The following SLC30A9 variants were observed in gnomAD, a reference collection of about 807,000 sequenced individuals.
SLC30A9 encodes proton-coupled zinc antiporter SLC30A9, mitochondrial.
A neutral mutation model predicts 87.5 loss-of-function variants in SLC30A9; 58 were observed. The ratio of observed to expected loss-of-function variants is 0.66; its 90% CI spans 0.54 to 0.82. SLC30A9 has a LOEUF of 0.82. Ranked by LOEUF, SLC30A9 falls within the 40% of genes least tolerant of loss-of-function variation. The pLI is 0.00. For missense variants in SLC30A9, 557 were observed against 679.1 expected (o/e 0.82, Z 2.00); for synonymous variants, 234 against 233.0 (o/e 1.00, Z -0.04).
chr4:42,038,417 TA>T (rs1406291867), intron 7 of SLC30A9, among the ~76,000 whole-genome samples: 1 of 152,196 alleles, frequency 6.6e-6, no homozygotes, highest in Admixed American at 6.5e-5. Flanking sequence ...ATTGTTCCCA[TA>T]ATAATTTCAT....
chr4:42,067,034 C>A, intron 13 of SLC30A9, 51 bp from the exon 14 acceptor site: 2 of 1,044,740 alleles, frequency 1.9e-6, no homozygotes, highest in Non-Finnish European at 3.0e-6. Flanking sequence ...CTGATAGTAT[C>A]AAGTTAAGAT....
chr4:42,039,126 T>G, intron 8 of SLC30A9, 73 bp downstream of exon 8: 3 of 1,092,470 alleles, frequency 2.7e-6, no homozygotes, highest in Non-Finnish European at 4.2e-6. Context: ...AATATGTAAA[T>G]TTATTACATG....
chr4:42,072,677 G>T (rs923908316), intron 15 of SLC30A9, among the ~76,000 whole-genome samples: 5 of 152,032 alleles, frequency 3.3e-5, no homozygotes, highest in Non-Finnish European at 4.4e-5. Context: ...TATAGTCTTG[G>T]ATAATATTCA....
At chr4:41,991,864 A>T (rs1352477272) in intron 1 of SLC30A9, among the ~76,000 whole-genome samples, 3 of 152,232 alleles carry the variant, frequency 2.0e-5, no homozygotes, top group Non-Finnish European at 4.4e-5. Flanking sequence ...TGCTGTGGAT[A>T]TAAATTAGAA....
At chr4:41,993,307 G>A (rs185498266) in intron 1 of SLC30A9, among the ~76,000 whole-genome samples, 2 of 152,078 alleles carry the variant, frequency 1.3e-5, no homozygotes, top group East Asian at 3.9e-4. Flanking sequence ...AACCCAGTGA[G>A]TATTTTACAC....
chr4:42,070,559 G>GT lies in SLC30A9; in HGVS notation c.1287dup (p.Val430CysfsTer16). The GT allele has an allele frequency of 6.2e-7, 1 of 1,613,626 alleles. No homozygotes were observed. Among genetic ancestry groups the GT allele is most frequent in the Non-Finnish European group, 8.5e-7 (1 of 1,179,768 alleles). The stretch of plus-strand genomic sequence containing the variant: ...CTGTATGACAGCCTAGGTTCTTTGG[G>GT]TGTGGGCACCTTATTAGGCATGGTC... On this transcript the variant is annotated frameshift_variant, in exon 15 of 18. Transcript: ENST00000264451. LOFTEE classifies it high-confidence loss of function.
intron 9 of SLC30A9, among the ~76,000 whole-genome samples, chr4:42,059,638 T>G (rs1414364867): frequency 3.3e-5 from 5 of 152,312 alleles, no homozygotes; most frequent in Admixed American, 2.0e-4. Context: ...GCTATACAAG[T>G]TATTCTTCCT....
At chr4:42,034,734 A>G (rs1716607499) in intron 6 of SLC30A9, among the ~76,000 whole-genome samples, 1 of 152,226 alleles carries the variant, frequency 6.6e-6, no homozygotes, top group Admixed American at 6.5e-5. Flanking sequence ...GCTGCTATGA[A>G]CATGGGCATG....
intron 6 of SLC30A9, among the ~76,000 whole-genome samples, chr4:42,024,123 A>C (rs547850145): frequency 2.2e-4 from 33 of 152,224 alleles, no homozygotes; most frequent in Non-Finnish European, 4.0e-4. Context: ...TAATTAATTC[A>C]GCAGATATTT....
intron 3 of SLC30A9, among the ~76,000 whole-genome samples, chr4:42,019,254 A>G (rs916821916): frequency 2.0e-5 from 3 of 152,180 alleles, no homozygotes; most frequent in Non-Finnish European, 4.4e-5. Context: ...AATAGAACAC[A>G]TAAGTTTGTT....
chr4:42,049,621 G>A, intron 9 of SLC30A9, 142 bp downstream of exon 9: 1 of 467,332 alleles, frequency 2.1e-6, no homozygotes. Context: ...CAGCAATGAA[G>A]TGCATAGAAA....
intron 6 of SLC30A9, among the ~76,000 whole-genome samples, chr4:42,025,279 T>C (rs1369161328): frequency 6.6e-6 from 1 of 152,230 alleles, no homozygotes; most frequent in Non-Finnish European, 1.5e-5. Flanking sequence ...TTGAACTGTT[T>C]TAGAAAAGTT....
At chr4:42,026,780 C>T (rs9654067) in intron 6 of SLC30A9, among the ~76,000 whole-genome samples, 97,454 of 150,734 alleles carry the variant, frequency 0.65, 35,654 homozygotes, top group East Asian at 0.96. Flanking sequence ...GTTTTTCCAA[C>T]GTGAACTAAC....
intron 1 of SLC30A9, among the ~76,000 whole-genome samples, chr4:41,993,455 A>G (rs1468522490): frequency 6.6e-6 from 1 of 152,224 alleles, no homozygotes; most frequent in Non-Finnish European, 1.5e-5. Context: ...CAGTAGGAAA[A>G]TGGACAAAGG....
chr4:42,030,289 GTAAAC>G (rs1158995819), intron 6 of SLC30A9, among the ~76,000 whole-genome samples: 1 of 152,132 alleles, frequency 6.6e-6, no homozygotes, highest in African/African-American at 2.4e-5. Flanking sequence ...TGTAATTAAT[GTAAAC>G]TAAAGTGTAG....
chr4:42,001,804 C>T (rs115504620), intron 2 of SLC30A9, 24 bp downstream of exon 2: 21,461 of 1,556,524 alleles, frequency 0.014, 253 homozygotes, highest in Middle Eastern at 0.021. Context: ...TTTTAATGTA[C>T]TTTTTTCTGT....
chr4:42,071,837 G>T (rs916692722), intron 15 of SLC30A9, among the ~76,000 whole-genome samples: 1 of 152,166 alleles, frequency 6.6e-6, no homozygotes, highest in African/African-American at 2.4e-5. Flanking sequence ...GTTGGGAAAT[G>T]TTCTCTCCTA....
At chr4:42,045,333 AAAG>A (rs1339775762) in intron 8 of SLC30A9, among the ~76,000 whole-genome samples, 3 of 152,166 alleles carry the variant, frequency 2.0e-5, no homozygotes, top group African/African-American at 7.2e-5. Flanking sequence ...ATAAAAAAGA[AAAG>A]AGAGGAGAAT....
chr4:42,027,888 G>A (rs1280872909), intron 6 of SLC30A9, among the ~76,000 whole-genome samples: 2 of 152,198 alleles, frequency 1.3e-5, no homozygotes, highest in East Asian at 1.9e-4. Context: ...ATGTATCCAG[G>A]ACTAGTAGTC....
Sources: gnomAD v4.1 joint callset for allele counts (sites outside exome capture counted in the v4.1 genomes callset) on GRCh38, gnomAD v4.1.1 for gene constraint, MANE v1.5 for transcripts, NCBI Gene and HGNC (gene_info 2026-07-23, HGNC 2026-07-21) for gene names.